Variants in STK10 observed in about 807,000 individuals in gnomAD.
The protein encoded by STK10 is serine/threonine-protein kinase 10.
A neutral mutation model predicts 113.8 loss-of-function variants in STK10; 78 were observed. That is an observed-to-expected ratio of 0.69 (90% CI 0.57 to 0.83). The LOEUF (loss-of-function observed/expected upper bound fraction) is 0.83. STK10 is among the 40% of genes least tolerant of loss of function. The pLI is 0.00. For synonymous variants in STK10, 465 were observed against 494.7 expected (o/e 0.94, Z 0.80); for missense variants, 1,109 against 1,280.1 (o/e 0.87, Z 2.04).
intron 12 of STK10, among the ~76,000 whole-genome samples, chr5:172,080,440 G>A (rs538872756): frequency 3.9e-5 from 6 of 152,342 alleles, no homozygotes; most frequent in African/African-American, 1.2e-4. Context: ...AACCTACTGG[G>A]TCAAAAGGAA....
intron 1 of STK10, among the ~76,000 whole-genome samples, chr5:172,173,824 G>A (rs891821397): frequency 1.5e-4 from 23 of 152,224 alleles, no homozygotes; most frequent in African/African-American, 4.8e-4. Flanking sequence ...CACAGTAACA[G>A]CCACATTTAC....
chr5:172,045,173 C>T, intron 18 of STK10, 151 bp from the exon 19 acceptor site: 2 of 1,193,068 alleles, frequency 1.7e-6, no homozygotes, highest in Non-Finnish European at 1.2e-6. Flanking sequence ...CTATTTCCTA[C>T]CCTAGAGCTC....
At chr5:172,064,655 G>A (rs1447567920) in intron 13 of STK10, 65 bp downstream of exon 13, 7 of 1,548,900 alleles carry the variant, frequency 4.5e-6, no homozygotes, top group Admixed American at 3.3e-5. Flanking sequence ...GCAGAGAGGG[G>A]GCCTGGTCAC....
intron 4 of STK10, among the ~76,000 whole-genome samples, chr5:172,114,047 G>T (rs2113773627): frequency 6.6e-6 from 1 of 152,222 alleles, no homozygotes; most frequent in South Asian, 2.1e-4. Context: ...CTTTAAGGCA[G>T]GGAAAATTAT....
At position 172,156,612 on chromosome 5, in the gene STK10, C is replaced by A. The variant is rs200916433; in HGVS notation, c.321+12G>T. ...GGGGGCTGAGCTGGGACAGACAGGGCGGCAGCCTTACCCACAGCTTCCCGT... is the reference window on the plus strand; with the variant it reads ...GGGGGCTGAGCTGGGACAGACAGGGAGGCAGCCTTACCCACAGCTTCCCGT... On this transcript the variant is annotated intron_variant, in intron 2 of 18. Coordinates refer to ENST00000176763, the MANE Select transcript of STK10 (RefSeq NM_005990.4). The A allele has an allele frequency of 1.9e-6, 3 of 1,608,926 alleles. No homozygotes were observed. The highest frequency in any genetic ancestry group is 2.5e-6 in the Non-Finnish European group (3 of 1,176,972).
intron 3 of STK10, among the ~76,000 whole-genome samples, chr5:172,118,650 CG>C (rs60585981): frequency 1.3e-5 from 2 of 151,422 alleles, no homozygotes; most frequent in Admixed American, 6.6e-5. Flanking sequence ...GAAGCAGAGG[CG>C]GGGGGGATCA....
chr5:172,072,421 C>T (rs1768209008), intron 12 of STK10, among the ~76,000 whole-genome samples: 1 of 152,148 alleles, frequency 6.6e-6, no homozygotes, highest in Non-Finnish European at 1.5e-5. Context: ...CGCACACTGC[C>T]ACGCCTGGCT....
At chr5:172,134,745 C>CAAAAAAAAAA (rs33933488) in intron 2 of STK10, among the ~76,000 whole-genome samples, 3 of 132,262 alleles carry the variant, frequency 2.3e-5, no homozygotes, top group South Asian at 2.4e-4. Context: ...CTCATATTTA[C>CAAAAAAAAAA]AAAAAAAAAA....
chr5:172,173,991 G>T lies in STK10; in HGVS notation c.156+13896C>A, dbSNP rs144108191. On this transcript the variant is annotated intron_variant, in intron 1 of 18. Coordinates refer to ENST00000176763, the MANE Select transcript of STK10 (RefSeq NM_005990.4). ...CCAAAGTCACACAGCCAACAGGCAG[G>T]GAAGCTAGGAGGAAGCTCAGAACTG... Among the ~76,000 whole-genome samples the T allele has an allele frequency of 1.8e-3, 279 of 152,256 alleles. 1 individual carries two copies. Among genetic ancestry groups the T allele is most frequent in the Middle Eastern group, 0.014 (4 of 294 alleles).
intron 3 of STK10, among the ~76,000 whole-genome samples, chr5:172,123,031 G>A (rs1769548774): frequency 2.0e-5 from 3 of 152,164 alleles, no homozygotes; most frequent in Admixed American, 2.0e-4. Context: ...ATACCACGTG[G>A]GTATTCTCTC....
intron 15 of STK10, among the ~76,000 whole-genome samples, chr5:172,055,994 CT>C (rs1227525716): frequency 3.9e-5 from 6 of 152,226 alleles, no homozygotes; most frequent in African/African-American, 1.4e-4. Context: ...TTCTTACCTT[CT>C]AAATGCCTTT....
chr5:172,098,930 C>T (rs1768915677), intron 7 of STK10, among the ~76,000 whole-genome samples: 1 of 150,654 alleles, frequency 6.6e-6, no homozygotes. Context: ...ATTACCATTA[C>T]CATCATCACC....
intron 2 of STK10, among the ~76,000 whole-genome samples, chr5:172,146,273 C>A (rs1350671969): frequency 6.6e-6 from 1 of 152,146 alleles, no homozygotes; most frequent in Non-Finnish European, 1.5e-5. Flanking sequence ...ATCATTGCTA[C>A]CCTGTCTAAA....
intron 8 of STK10, among the ~76,000 whole-genome samples, chr5:172,094,448 C>T (rs539057391): frequency 1.3e-5 from 2 of 152,280 alleles, no homozygotes; most frequent in East Asian, 3.9e-4. Context: ...ATGCAACCTC[C>T]ACCTCCTGGG....
chr5:172,068,213 C>T (rs1334367362), intron 12 of STK10, among the ~76,000 whole-genome samples: 5 of 151,982 alleles, frequency 3.3e-5, no homozygotes, highest in African/African-American at 9.7e-5. Flanking sequence ...TGGTGACAGG[C>T]GCCTGTAATC....
chr5:172,116,621 A>G (rs1277054339), intron 4 of STK10, among the ~76,000 whole-genome samples: 2 of 151,924 alleles, frequency 1.3e-5, no homozygotes, highest in Non-Finnish European at 2.9e-5. Flanking sequence ...TAATCCCAGC[A>G]CTTTGGGAGG....
intron 1 of STK10, among the ~76,000 whole-genome samples, chr5:172,185,890 C>T (rs1770947631): frequency 1.3e-5 from 2 of 152,202 alleles, no homozygotes; most frequent in Non-Finnish European, 2.9e-5. Context: ...CAAGTCGGGG[C>T]AGTCCAAAAG....
intron 3 of STK10, among the ~76,000 whole-genome samples, chr5:172,118,878 C>CAAAAA (rs3028101): frequency 1.4e-5 from 1 of 71,302 alleles, no homozygotes; most frequent in Non-Finnish European, 2.8e-5. Flanking sequence ...GACTCAGTCT[C>CAAAAA]AAAAAAAAAA....
chr5:172,138,777 C>T (rs777991051), intron 2 of STK10, among the ~76,000 whole-genome samples: 1 of 152,042 alleles, frequency 6.6e-6, no homozygotes, highest in Non-Finnish European at 1.5e-5. Context: ...CTTTGGGAGG[C>T]TAAGGTGGGC....
Sources: allele counts gnomAD v4.1 joint callset (sites outside exome capture counted in the v4.1 genomes callset), GRCh38; gene constraint gnomAD v4.1.1; transcripts MANE v1.5; gene names NCBI Gene and HGNC (gene_info 2026-07-23, HGNC 2026-07-21).